DEAF1: variants seen among roughly 807,000 people sequenced by gnomAD.
DEAF1 encodes DEAF1 transcription factor, also known as deformed epidermal autoregulatory factor 1 homolog.
A neutral mutation model predicts 58.9 loss-of-function variants in DEAF1; 53 were observed. The ratio of observed to expected loss-of-function variants is 0.90; its 90% CI spans 0.72 to 1.13. The LOEUF (loss-of-function observed/expected upper bound fraction) is 1.13, where lower values mean the gene tolerates loss of function less well. Ranked by LOEUF, DEAF1 falls within the 50% of genes most tolerant of loss-of-function variation. DEAF1 has a pLI of 0.00. For synonymous variants in DEAF1, 385 were observed against 340.4 expected, an observed-to-expected ratio of 1.13 and a Z score of -1.44; for missense variants, 685 against 791.4, an observed-to-expected ratio of 0.87 and a Z score of 1.61.
chr11:707,031 G>A (rs775658657), exon 1 of DEAF1, among the ~76,000 whole-genome samples: 50 of 151,934 alleles, frequency 3.3e-4, no homozygotes, highest in Non-Finnish European at 4.9e-4. Context: ...GGCCGGGCAT[G>A]CCCGGACCTC....
At position 694,953 on chromosome 11, in the gene DEAF1, G is replaced by A; in HGVS notation, c.95C>T (p.Ala32Val). The A allele has an allele frequency of 8.1e-7, 1 of 1,233,564 alleles. No individual in the cohort carries two copies. Among genetic ancestry groups the A allele is most frequent in the Non-Finnish European group, 1.0e-6 (1 of 989,624 alleles). The allele number at this position is 1,233,564 out of a possible 1,614,324, so 76.4% of individuals were successfully genotyped here. A position where few individuals can be genotyped will look rare whatever the true frequency, so the allele number is the denominator to read the frequency against. ...AAAVAAAAAA[A>V]AGGEAEEPVL... is the part of the protein sequence containing the mutation. ...CGGCTCCTCCGCCTCGCCTCCTGCCGCGGCCGCGGCCGCCGCCGCCACAGC... is the reference window on the plus strand; with the variant it reads ...CGGCTCCTCCGCCTCGCCTCCTGCCACGGCCGCGGCCGCCGCCGCCACAGC... The change falls in exon 1 of 12, where the codon GCG becomes GTG. Residue 32 changes from alanine (A) to valine (V), a missense_variant. Ala to Val is a moderately conservative substitution (Grantham distance 64). This residue lies in a region of DEAF1 where 210 missense variants were observed against 177.3 expected (regional missense o/e 1.18). Transcript: ENST00000382409.
At chr11:695,497 T>G, upstream of DEAF1, 2 of 868,978 alleles carry the variant, frequency 2.3e-6, no homozygotes, top group Non-Finnish European at 3.1e-6. Flanking sequence ...GCCGGCGCAA[T>G]TCTGCCTCTC....
intron 10 of DEAF1, among the ~76,000 whole-genome samples, chr11:662,063 G>A (rs1023883944): frequency 6.6e-6 from 1 of 152,156 alleles, no homozygotes; most frequent in African/African-American, 2.4e-5. Flanking sequence ...TTGAGAGGCC[G>A]AGGTGGGCGG....
rs1436169187 is a variant in DEAF1 at position 646,679 on chromosome 11, GTTCT to G, written c.1594-2029_1594-2026del. ...TGACTTTTAAAATCAGAACTACTCA[GTTCT>G]TTTTTAAAGCAAATTTTTCCATCTT... On this transcript the variant is annotated intron_variant, in intron 11 of 11. Coordinates refer to ENST00000382409, the MANE Select transcript of DEAF1 (RefSeq NM_021008.4). The G allele has an allele frequency of 3.3e-5, 5 of 152,230 alleles. No homozygotes were observed. The South Asian group carries it at 1.0e-3, about 32-fold the overall frequency. 9.4% of individuals were successfully genotyped at this position (152,230 alleles called of 1,614,324 possible). A position where few individuals can be genotyped will look rare whatever the true frequency, so the allele number is the denominator to read the frequency against.
intron 10 of DEAF1, chr11:654,604 G>T (rs1393200402): frequency 2.2e-6 from 1 of 455,290 alleles, no homozygotes; most frequent in African/African-American, 2.0e-5. Context: ...GCCGGGAGCA[G>T]CGGCTCATAC....
In DEAF1 at chr11:656,231, T is replaced by C. The variant is rs1471516733; in HGVS notation, c.1504-2180A>G. 2.0e-5 allele frequency among the ~76,000 whole-genome samples: 3 copies of C among 151,770 alleles called. No individual in the cohort carries two copies. The East Asian group carries it at 5.8e-4, about 29-fold the overall frequency. The stretch of plus-strand genomic sequence containing the variant: ...AGTGCAGTGGCACGATCTCAGCTCA[T>C]TGCAACCACCACCTTCCAGATTCGA... On this transcript the variant is annotated intron_variant, in intron 10 of 11. Transcript: ENST00000382409.
At chr11:652,263 C>T (rs2133283133) in intron 11 of DEAF1, among the ~76,000 whole-genome samples, 1 of 152,334 alleles carries the variant, frequency 6.6e-6, no homozygotes, top group South Asian at 2.1e-4. Context: ...ATCCAGCACA[C>T]ACTTCCAAAT....
intron 7 of DEAF1, among the ~76,000 whole-genome samples, chr11:680,683 G>A (rs1013707573): frequency 3.3e-5 from 5 of 152,304 alleles, no homozygotes; most frequent in East Asian, 1.9e-4. Context: ...TCCCCTGAGC[G>A]TGTGCTGGGC....
Position 644,326 on chromosome 11 carries a change from G to A in DEAF1, c.*224C>T, listed in dbSNP as rs2133261397. On this transcript the variant is annotated 3_prime_UTR_variant, in exon 12 of 12. Transcript: ENST00000382409. This position sits in a 1 kb window ranked among gnomAD's most constrained non-coding sequence, Gnocchi z 4.3. Reference sequence around the variant, plus strand: ...CAAGACCGGACGCTCATGATCCCAGGGATAAAAAATCTGTCCGCGAGCGGG... The same window carrying A: ...CAAGACCGGACGCTCATGATCCCAGAGATAAAAAATCTGTCCGCGAGCGGG... 1.6e-6 allele frequency: 1 copy of A among 612,654 alleles called. No homozygotes were observed. Among genetic ancestry groups the A allele is most frequent in the South Asian group, 1.9e-5 (1 of 53,242 alleles). The allele number at this position is 612,654 out of a possible 1,614,324, so 38.0% of individuals were successfully genotyped here.
chr11:653,809 C>G, intron 11 of DEAF1, 153 bp downstream of exon 11: 2 of 721,292 alleles, frequency 2.8e-6, no homozygotes, highest in Non-Finnish European at 5.0e-6. Flanking sequence ...AGGGTCTTCA[C>G]GGAGCCAGGC....
At chr11:695,639 C>T, upstream of DEAF1, 2 of 1,245,104 alleles carry the variant, frequency 1.6e-6, no homozygotes, top group Non-Finnish European at 2.0e-6. Flanking sequence ...TCCACCTCTT[C>T]CCTTCCGAAA....
At chr11:653,340 G>A (rs1858879016) in intron 11 of DEAF1, among the ~76,000 whole-genome samples, 1 of 144,652 alleles carries the variant, frequency 6.9e-6, no homozygotes, top group Non-Finnish European at 1.5e-5. Flanking sequence ...GGGGTGTGGA[G>A]GGCTCAATAA....
intron 11 of DEAF1, among the ~76,000 whole-genome samples, chr11:650,973 T>G (rs1349539997): frequency 6.6e-6 from 1 of 152,026 alleles, no homozygotes; most frequent in African/African-American, 2.4e-5. Context: ...AGGTAATTTT[T>G]TTTTTTTGAG....
chr11:695,441 C>G (rs878975108), upstream of DEAF1: 2 of 480,182 alleles, frequency 4.2e-6, no homozygotes, highest in Middle Eastern at 5.5e-4. Flanking sequence ...CGGCTGTCGT[C>G]CCCGGCCGAC....
Position 644,573 on chromosome 11 carries a change from C to A in DEAF1, c.1675G>T (p.Val559Leu), listed in dbSNP as rs760200310. 3 of 1,613,038 alleles carry A rather than the reference C, an allele frequency of 1.9e-6. No individual in the cohort carries two copies. The highest frequency in any genetic ancestry group is 1.1e-5 in the South Asian group (1 of 91,030). ...CCTCACACGGTCACCTTCTCCATCA[C>A]GCTTTCAGCCACGTGGACTTCGTCT... ...QADEVHVAES[V>L]MEKVTV Residue 559 changes from valine (V) to leucine (L), a missense_variant, in exon 12 of 12, where the codon GTG becomes TTG. Physicochemically the swap from Val to Leu is conservative, Grantham distance 32. Transcript: ENST00000382409. This position sits in a 1 kb window ranked among gnomAD's most constrained non-coding sequence, Gnocchi z 4.3.
chr11:672,676 G>A (rs768305799), intron 10 of DEAF1, among the ~76,000 whole-genome samples: 32 of 151,950 alleles, frequency 2.1e-4, no homozygotes, highest in Admixed American at 5.3e-4. Flanking sequence ...GTGAAACCCC[G>A]TCTCTACTAA....
intron 5 of DEAF1, 22 bp downstream of exon 5, chr11:686,836 C>CA (rs748154468): frequency 5.8e-5 from 94 of 1,613,808 alleles, no homozygotes; most frequent in African/African-American, 8.0e-5. Flanking sequence ...GTGCTGAGCA[C>CA]AGGTGAGGTC....
At chr11:700,133 A>G (rs1001554317), upstream of DEAF1, 5 of 1,613,022 alleles carry the variant, frequency 3.1e-6, no homozygotes, top group African/African-American at 6.7e-5. Flanking sequence ...ATCCTTAACC[A>G]CTCACCAGCT....
chr11:669,783 A>G (rs1859725121), intron 10 of DEAF1, among the ~76,000 whole-genome samples: 1 of 151,808 alleles, frequency 6.6e-6, no homozygotes, highest in African/African-American at 2.4e-5. Flanking sequence ...CACAAAAATT[A>G]GCTGGGCATG....
Sources: gnomAD v4.1 joint callset for allele counts (sites outside exome capture counted in the v4.1 genomes callset) on GRCh38, gnomAD v4.1.1 for gene constraint, gnomAD v4.1.1 regional missense constraint, Gnocchi (gnomAD v3.1) non-coding constraint, MANE v1.5 for transcripts, NCBI Gene and HGNC (gene_info 2026-07-23, HGNC 2026-07-21) for gene names.